RPS6KA2: variants seen among roughly 807,000 people sequenced by gnomAD.
RPS6KA2 encodes ribosomal protein S6 kinase A2.
Under a neutral mutation model 91.8 loss-of-function variants are expected in RPS6KA2, and 42 were observed. The ratio of observed to expected loss-of-function variants is 0.46; its 90% CI spans 0.36 to 0.59. The LOEUF is 0.59. Among genes scored for constraint, RPS6KA2 ranks in the 20% least tolerant of loss-of-function variants. The pLI, the probability that RPS6KA2 is intolerant of heterozygous loss-of-function variation, is 0.00. For missense variants in RPS6KA2, 798 were observed against 978.5 expected (o/e 0.82, Z 2.46); for synonymous variants, 414 against 393.6 (o/e 1.05, Z -0.61).
At chr6:166,562,669 C>A (rs1187752681) in intron 1 of RPS6KA2, among the ~76,000 whole-genome samples, 1 of 152,174 alleles carries the variant, frequency 6.6e-6, no homozygotes, top group Non-Finnish European at 1.5e-5. Flanking sequence ...CTCAACCTGG[C>A]GGGAAAGACA....
chr6:166,565,374 G>A (rs568791448), intron 1 of RPS6KA2, among the ~76,000 whole-genome samples: 3 of 152,326 alleles, frequency 2.0e-5, no homozygotes, highest in South Asian at 4.1e-4. Flanking sequence ...AGCTTCCCTC[G>A]GGACTGACTG....
At chr6:166,523,698 G>A (rs1313430009) in intron 3 of RPS6KA2, among the ~76,000 whole-genome samples, 3 of 152,134 alleles carry the variant, frequency 2.0e-5, no homozygotes, top group African/African-American at 7.2e-5. Context: ...TGACATAAAT[G>A]AATTAGCATA....
At chr6:166,576,767 G>C (rs573949036) in intron 1 of RPS6KA2, among the ~76,000 whole-genome samples, 1 of 152,332 alleles carries the variant, frequency 6.6e-6, no homozygotes, top group East Asian at 1.9e-4. Flanking sequence ...ATTTTCTGAG[G>C]GGAAATTCAA....
At chr6:166,420,071 G>A (rs1288515710) in intron 17 of RPS6KA2, 113 bp from the exon 18 acceptor site, 2 of 966,524 alleles carry the variant, frequency 2.1e-6, no homozygotes, top group Non-Finnish European at 1.6e-6. Context: ...GAGGAGGGCG[G>A]TGCCATGTCT....
At chr6:166,523,805 G>A (rs1384978785) in intron 3 of RPS6KA2, among the ~76,000 whole-genome samples, 1 of 152,178 alleles carries the variant, frequency 6.6e-6, no homozygotes, top group African/African-American at 2.4e-5. Flanking sequence ...CATAAGAGAG[G>A]AAAACAAATA....
At position 166,412,939 on chromosome 6, in the gene RPS6KA2, G is replaced by A; in HGVS notation, c.2077-52C>T. ...GCCGCGGCGCCTCACTCCAGGGGTT[G>A]AGCCGGAGCCCGGGGCCTCCATGGG... On this transcript the variant is annotated intron_variant, in intron 20 of 20. Transcript: ENST00000265678. The surrounding 1 kb of genome is among the most constrained non-coding windows in gnomAD (Gnocchi z 4.3). The A allele has an allele frequency of 6.7e-7, 1 of 1,498,172 alleles. No individual in the cohort carries two copies. The highest frequency in any genetic ancestry group is 8.9e-7 in the Non-Finnish European group (1 of 1,118,568). The allele number at this position is 1,498,172 out of a possible 1,614,324, so 92.8% of individuals were successfully genotyped here.
chr6:166,564,658 G>C (rs539183087), intron 1 of RPS6KA2, among the ~76,000 whole-genome samples: 1 of 152,274 alleles, frequency 6.6e-6, no homozygotes, highest in Non-Finnish European at 1.5e-5. Flanking sequence ...GACTATTTCT[G>C]TTGTAGGAGC....
chr6:166,734,505 G>T (rs2128590192), intron 2 of RPS6KA2, among the ~76,000 whole-genome samples: 1 of 152,298 alleles, frequency 6.6e-6, no homozygotes, highest in East Asian at 1.9e-4. Flanking sequence ...GTGCTCACAA[G>T]CAGCGGCTGA....
rs1785809153 is a variant in RPS6KA2, at chr6:166,603,098, C to T, written c.99+23823G>A. 6.6e-6 allele frequency among the ~76,000 whole-genome samples: 1 copy of T among 152,350 alleles called. No homozygotes were observed. Among genetic ancestry groups the T allele is most frequent in the South Asian group, 2.1e-4 (1 of 4,830 alleles). On this transcript the variant is annotated intron_variant, in intron 1 of 20. Transcript: ENST00000265678. This position sits in a 1 kb window ranked among gnomAD's most constrained non-coding sequence, Gnocchi z 4.3. The stretch of plus-strand genomic sequence containing the variant: ...TGGAAATGTAAACATTCACTTACAT[C>T]TGCATCTGTTAAGTGTTAAGTTCTG...
rs530228005 is a variant in RPS6KA2 at position 166,753,895 on chromosome 6, C to T, written c.123+104305G>A. ...CACTTTCCCGAAATTTCAAGAGAGA[C>T]GACTGTCAGAAACGTACTAACCCAA... On this transcript the variant is annotated intron_variant, in intron 2 of 21. Coordinates refer to the RPS6KA2 transcript ENST00000503859. Among the ~76,000 whole-genome samples, 325 of 152,280 alleles carry T rather than the reference C, an allele frequency of 2.1e-3. 4 individuals are homozygous for T. Among genetic ancestry groups the T allele is most frequent in the African/African-American group, 7.1e-3 (295 of 41,544 alleles).
intron 3 of RPS6KA2, among the ~76,000 whole-genome samples, chr6:166,527,532 C>A (rs1353662026): frequency 2.0e-5 from 3 of 152,184 alleles, no homozygotes; most frequent in African/African-American, 7.2e-5. Flanking sequence ...TATCTAGCAG[C>A]TGTTCATTTT....
chr6:166,831,741 A>G (rs758028736), intron 2 of RPS6KA2, among the ~76,000 whole-genome samples: 3 of 151,302 alleles, frequency 2.0e-5, no homozygotes, highest in Non-Finnish European at 4.4e-5. Context: ...TACCACATCT[A>G]CATACATACA....
chr6:166,767,446 G>C lies in RPS6KA2; in HGVS notation c.123+90754C>G, dbSNP rs1261071537. Among the ~76,000 whole-genome samples, 2 of 152,188 alleles carry C rather than the reference G, an allele frequency of 1.3e-5. No homozygotes were observed. The highest frequency in any genetic ancestry group is 2.9e-5 in the Non-Finnish European group (2 of 68,038). ...TGGTTAGAGGAAGACAAAAAGGACA[G>C]AGAAGCCAGCTCGCGCTCCCTTCAG... On this transcript the variant is annotated intron_variant, in intron 2 of 21. Coordinates refer to the RPS6KA2 transcript ENST00000503859. This position sits in a 1 kb window ranked among gnomAD's most constrained non-coding sequence, Gnocchi z 4.6.
chr6:166,791,899 C>A (rs1779100261), intron 2 of RPS6KA2, among the ~76,000 whole-genome samples: 1 of 151,574 alleles, frequency 6.6e-6, no homozygotes, highest in African/African-American at 2.4e-5. Flanking sequence ...ACTAAATGCC[C>A]ACAAGAGAAA....
intron 6 of RPS6KA2, among the ~76,000 whole-genome samples, chr6:166,503,195 G>A (rs1782082458): frequency 2.6e-5 from 4 of 152,304 alleles, no homozygotes; most frequent in Middle Eastern, 6.8e-3. Context: ...TTTCAGATTC[G>A]GATGAGGGAT....
Position 166,615,265 on chromosome 6 carries a change from C to G in RPS6KA2, c.99+11656G>C, listed in dbSNP as rs963042174. Among the ~76,000 whole-genome samples the G allele has an allele frequency of 1.3e-5, 2 of 152,186 alleles. 1 individual carries two copies. Among genetic ancestry groups the G allele is most frequent in the African/African-American group, 4.8e-5 (2 of 41,458 alleles). On this transcript the variant is annotated intron_variant, in intron 1 of 20. Coordinates refer to ENST00000265678, the MANE Select transcript of RPS6KA2 (RefSeq NM_021135.6). ...TTCCACTGGGGGCTGAGCCATGCGA[C>G]TCCCGCACCACACACCAGAAAGAAC...
At chr6:166,744,362 C>G (rs569871116) in intron 2 of RPS6KA2, among the ~76,000 whole-genome samples, 9 of 152,078 alleles carry the variant, frequency 5.9e-5, no homozygotes, top group Non-Finnish European at 1.3e-4. Flanking sequence ...CTGGCCTCGC[C>G]GCAGACCTGA....
Position 166,662,857 on chromosome 6 carries a change from C to T in RPS6KA2, c.124-124073G>A, listed in dbSNP as rs143087517. ...TGAGGCCTCGGAGTGGGTGCTTATC[C>T]GCTCTGACTGCTGTCCTTAGAAGAA... is the stretch of plus-strand genomic sequence containing the variant. On this transcript the variant is annotated intron_variant, in intron 2 of 21. Coordinates refer to the RPS6KA2 transcript ENST00000503859. The surrounding 1 kb of genome is among the most constrained non-coding windows in gnomAD (Gnocchi z 4.3). Among the ~76,000 whole-genome samples, 445 of 152,210 alleles carry T rather than the reference C, an allele frequency of 2.9e-3. No homozygotes were observed. The highest frequency in any genetic ancestry group is 8.0e-3 in the African/African-American group (334 of 41,514).
chr6:166,533,302 T>C lies in RPS6KA2; in HGVS notation c.217-1989A>G, dbSNP rs1783357953. On this transcript the variant is annotated intron_variant, in intron 2 of 20. Coordinates refer to ENST00000265678, the MANE Select transcript of RPS6KA2 (RefSeq NM_021135.6). The surrounding 1 kb of genome is among the most constrained non-coding windows in gnomAD (Gnocchi z 4.0). ...GACTTGATGAGTGGTGCTGTGGAGA[T>C]CAGGACCAGCCAGGACAGTGCAGGG... Among the ~76,000 whole-genome samples the C allele has an allele frequency of 6.6e-6, 1 of 152,138 alleles. No homozygotes were observed. The highest frequency in any genetic ancestry group is 2.1e-4 in the South Asian group (1 of 4,832).
Sources: gnomAD v4.1 joint callset for allele counts (sites outside exome capture counted in the v4.1 genomes callset) on GRCh38, gnomAD v4.1.1 for gene constraint, Gnocchi (gnomAD v3.1) non-coding constraint, MANE v1.5 for transcripts, NCBI Gene and HGNC (gene_info 2026-07-23, HGNC 2026-07-21) for gene names.